EDIL3: variants seen among roughly 807,000 people sequenced by gnomAD.
EDIL3 encodes EGF-like repeat and discoidin I-like domain-containing protein 3.
EDIL3 carries 37 observed loss-of-function variants against 67.4 expected under a neutral mutation model. That is an observed-to-expected ratio of 0.55 (90% CI 0.42 to 0.72). The LOEUF is 0.72. Among genes scored for constraint, EDIL3 ranks in the 30% least tolerant of loss-of-function variants. The pLI, the probability that EDIL3 is intolerant of heterozygous loss-of-function variation, is 0.00. For synonymous variants in EDIL3, 195 were observed against 196.3 expected (o/e 0.99, Z 0.05); for missense variants, 527 against 586.3 (o/e 0.90, Z 1.04).
intron 1 of EDIL3, among the ~76,000 whole-genome samples, chr5:84,261,579 G>T (rs2112084663): frequency 6.6e-6 from 1 of 152,216 alleles, no homozygotes; most frequent in South Asian, 2.1e-4. Context: ...CTTGCAATTT[G>T]GAAGTATACA....
intron 9 of EDIL3, among the ~76,000 whole-genome samples, chr5:83,987,686 C>CAT (rs1377224640): frequency 6.6e-6 from 1 of 151,988 alleles, no homozygotes; most frequent in Non-Finnish European, 1.5e-5. Flanking sequence ...CCTCATTATC[C>CAT]ATATATATGT....
At chr5:84,203,889 AT>A (rs1462416642) in intron 3 of EDIL3, among the ~76,000 whole-genome samples, 1 of 152,178 alleles carries the variant, frequency 6.6e-6, no homozygotes, top group African/African-American at 2.4e-5. Flanking sequence ...CTGTAGAAAC[AT>A]TTTTTAAAAA....
At chr5:84,360,890 A>T (rs984141865) in intron 1 of EDIL3, among the ~76,000 whole-genome samples, 2 of 152,158 alleles carry the variant, frequency 1.3e-5, no homozygotes, top group African/African-American at 4.8e-5. Flanking sequence ...ATCTTACAAA[A>T]TAACCAAAAA....
intron 2 of EDIL3, among the ~76,000 whole-genome samples, chr5:84,246,327 C>A (rs762316135): frequency 1.3e-5 from 2 of 152,248 alleles, no homozygotes; most frequent in Non-Finnish European, 2.9e-5. Flanking sequence ...ACCTTTGCCA[C>A]TGCCACTACG....
chr5:84,354,211 A>G (rs1236253964), intron 1 of EDIL3, among the ~76,000 whole-genome samples: 1 of 151,936 alleles, frequency 6.6e-6, no homozygotes, highest in African/African-American at 2.4e-5. Flanking sequence ...GTCTTTGAAT[A>G]CCAAGAATGC....
At chr5:84,186,552 G>A (rs1373317846) in intron 3 of EDIL3, among the ~76,000 whole-genome samples, 1 of 151,782 alleles carries the variant, frequency 6.6e-6, no homozygotes, top group Non-Finnish European at 1.5e-5. Flanking sequence ...ACTATGCTTG[G>A]TATTAATACA....
intron 5 of EDIL3, among the ~76,000 whole-genome samples, chr5:84,119,613 A>C (rs1747735960): frequency 6.6e-6 from 1 of 152,104 alleles, no homozygotes; most frequent in Non-Finnish European, 1.5e-5. Flanking sequence ...TCATTGTGGT[A>C]CAAAATGAGG....
chr5:84,301,349 C>G (rs905007974), intron 1 of EDIL3, among the ~76,000 whole-genome samples: 6 of 150,066 alleles, frequency 4.0e-5, no homozygotes, highest in African/African-American at 1.5e-4. Flanking sequence ...CAAATGCAAA[C>G]TCCTGAAGCA....
chr5:84,279,514 T>A (rs185892526), intron 1 of EDIL3, among the ~76,000 whole-genome samples: 1 of 152,214 alleles, frequency 6.6e-6, no homozygotes, highest in Non-Finnish European at 1.5e-5. Flanking sequence ...TATGAACAGA[T>A]TATGCTATGA....
chr5:84,336,367 G>T (rs115095276), intron 1 of EDIL3, among the ~76,000 whole-genome samples: 50 of 152,274 alleles, frequency 3.3e-4, no homozygotes, highest in African/African-American at 1.2e-3. Flanking sequence ...GTTACTTCTT[G>T]TGAGTTATGG....
chr5:83,999,197 G>A (rs1265617714), intron 9 of EDIL3, among the ~76,000 whole-genome samples: 1 of 152,090 alleles, frequency 6.6e-6, no homozygotes, highest in Non-Finnish European at 1.5e-5. Context: ...AGCCCAGATT[G>A]CAAAGTTTAG....
At chr5:83,956,317 ACTT>A (rs762253753) in intron 10 of EDIL3, among the ~76,000 whole-genome samples, 22 of 151,614 alleles carry the variant, frequency 1.5e-4, no homozygotes, top group Non-Finnish European at 2.5e-4. Context: ...GAAGCATAAT[ACTT>A]TTTTAGGAGA....
At chr5:84,057,385 G>C (rs1746466552) in intron 9 of EDIL3, among the ~76,000 whole-genome samples, 1 of 136,636 alleles carries the variant, frequency 7.3e-6, no homozygotes, top group Admixed American at 7.4e-5. Flanking sequence ...CCAACCTCCT[G>C]AGCTACTTAT....
intron 1 of EDIL3, among the ~76,000 whole-genome samples, chr5:84,303,569 C>T (rs1051724320): frequency 6.6e-6 from 1 of 152,104 alleles, no homozygotes; most frequent in Non-Finnish European, 1.5e-5. Context: ...AGTCTGCACT[C>T]CCCAATGAAT....
Position 83,990,595 on chromosome 5 carries a change from G to C in EDIL3, c.1138-27235C>G, listed in dbSNP as rs916104784. Among the ~76,000 whole-genome samples the C allele has an allele frequency of 5.9e-5, 9 of 151,670 alleles. No homozygotes were observed. The South Asian group carries it at 1.7e-3, about 28-fold the overall frequency. On this transcript the variant is annotated intron_variant, in intron 9 of 10. Coordinates refer to ENST00000296591, the MANE Select transcript of EDIL3 (RefSeq NM_005711.5). ...CAGTAACAGAGAGGTAAAGAAAATGGGTTGGCCGGGCACGGTGGCTCACGC... is the reference window on the plus strand; with the variant it reads ...CAGTAACAGAGAGGTAAAGAAAATGCGTTGGCCGGGCACGGTGGCTCACGC...
At chr5:84,162,133 G>T (rs1401891656) in intron 4 of EDIL3, among the ~76,000 whole-genome samples, 2 of 152,040 alleles carry the variant, frequency 1.3e-5, no homozygotes, top group African/African-American at 2.4e-5. Context: ...GCTCACATGG[G>T]GCCTAGAAGT....
intron 1 of EDIL3, among the ~76,000 whole-genome samples, chr5:84,349,937 G>A (rs1747320607): frequency 6.6e-6 from 1 of 152,014 alleles, no homozygotes; most frequent in South Asian, 2.1e-4. Flanking sequence ...ATATTAACTT[G>A]CTTAATCCTT....
intron 6 of EDIL3, among the ~76,000 whole-genome samples, chr5:84,082,236 T>A (rs1580318231): frequency 6.6e-6 from 1 of 152,230 alleles, no homozygotes; most frequent in Non-Finnish European, 1.5e-5. Flanking sequence ...TTGGTAGTGG[T>A]AGCAAGTGTC....
chr5:84,276,533 A>G (rs950148769), intron 1 of EDIL3, among the ~76,000 whole-genome samples: 5 of 151,874 alleles, frequency 3.3e-5, no homozygotes, highest in Non-Finnish European at 5.9e-5. Flanking sequence ...TAGATTACCA[A>G]TGTCTTTATT....
Sources: allele counts gnomAD v4.1 joint callset (sites outside exome capture counted in the v4.1 genomes callset), GRCh38; gene constraint gnomAD v4.1.1; transcripts MANE v1.5; gene names NCBI Gene and HGNC (gene_info 2026-07-23, HGNC 2026-07-21).